NUMA1: variants seen among roughly 807,000 people sequenced by gnomAD.
The protein encoded by NUMA1 is nuclear mitotic apparatus protein 1, also known as SP-H antigen.
NUMA1 carries 62 observed loss-of-function variants against 237.1 expected under a neutral mutation model. The ratio of observed to expected loss-of-function variants is 0.26; its 90% CI spans 0.21 to 0.32. NUMA1 has a LOEUF of 0.32. Among genes scored for constraint, NUMA1 ranks in the 10% least tolerant of loss-of-function variants. The probability of loss-of-function intolerance (pLI) is 1.00; values close to 1 mark genes in which losing one functional copy is unlikely to be tolerated. For missense variants in NUMA1, 2,533 were observed against 2,666.5 expected (o/e 0.95, Z 1.10); for synonymous variants, 1,028 against 1,066.1 (o/e 0.96, Z 0.70).
Position 72,013,353 on chromosome 11 carries a change from C to T in NUMA1, c.4150G>A (p.Glu1384Lys). The T allele has an allele frequency of 6.2e-7, 1 of 1,608,964 alleles. No individual in the cohort carries two copies. The highest frequency in any genetic ancestry group is 8.5e-7 in the Non-Finnish European group (1 of 1,179,890). Residue 1384 changes from glutamate to lysine, a missense_variant, in exon 15 of 27, where the codon GAG (glutamate) becomes AAG (lysine). By Grantham distance (56) the Glu-to-Lys change is moderately conservative. Coordinates refer to ENST00000393695, the MANE Select transcript of NUMA1 (RefSeq NM_006185.4). The surrounding 1 kb of genome is among the most constrained non-coding windows in gnomAD (Gnocchi z 6.8). ...GCGGCCTGCTTGCTCTGCTCCAGCT[C>T]CTCACGGTGGCGTTTCTCGGCAGCG... ...QAAAEKRHRE[E>K]LEQSKQAAGG...
chr11:72,042,835 A>T lies in NUMA1; in HGVS notation c.-32-6860T>A, dbSNP rs1392959785. Among the ~76,000 whole-genome samples, 3 of 152,146 alleles carry T rather than the reference A, an allele frequency of 2.0e-5. No individual in the cohort carries two copies. The East Asian group carries it at 5.8e-4, about 29-fold the overall frequency. On this transcript the variant is annotated intron_variant, in intron 2 of 26. Transcript: ENST00000393695. ...ACACAAGAGGGTAAGGTAAGAAAGA[A>T]TGGAAAGGGGCCTTGGCACGACGGC...
Position 72,012,993 on chromosome 11 carries a change from C to G in NUMA1, c.4510G>C (p.Glu1504Gln), listed in dbSNP as rs1454749126. The stretch of plus-strand genomic sequence containing the variant: ...TACTTGGCAGTCATCACCTCCAGCT[C>G]CCGGGCAGTGCTCTGTGCTTCTCGC... ...VQREAQSTAR[E>Q]LEVMTAKYEG... is the part of the protein sequence containing the mutation. Residue 1504 changes from glutamate (E) to glutamine (Q), a missense_variant, in exon 15 of 27, where the codon GAG (glutamate) becomes CAG (glutamine). Transcript: ENST00000393695. The G allele has an allele frequency of 6.2e-7, 1 of 1,614,160 alleles. No homozygotes were observed. Among genetic ancestry groups the G allele is most frequent in the Admixed American group, 1.7e-5 (1 of 60,026 alleles).
chr11:72,021,181 C>T, intron 8 of NUMA1, 23 bp downstream of exon 8: 1 of 1,575,114 alleles, frequency 6.3e-7, no homozygotes, highest in East Asian at 2.2e-5. Flanking sequence ...TGAGGGGATT[C>T]TCAGGAGTGT....
Position 72,015,446 on chromosome 11 carries a change from T to C in NUMA1, c.2057A>G (p.Lys686Arg). The part of the protein sequence containing the change: ...LELQLRSEQQ[K>R]ATEKERVAQE... ...GGCCACCCTTTCTTTCTCAGTTGCT[T>C]TTTGCTGCTCAGACCGCAGCTGCAA... The change falls in exon 15 of 27, where the codon AAA becomes AGA. Residue 686 changes from lysine (K) to arginine (R), a missense_variant. Lys to Arg is a conservative substitution (Grantham distance 26). Transcript: ENST00000393695. The surrounding 1 kb of genome is among the most constrained non-coding windows in gnomAD (Gnocchi z 4.0). The C allele has an allele frequency of 6.2e-7, 1 of 1,612,022 alleles. No individual in the cohort carries two copies. The highest frequency in any genetic ancestry group is 8.5e-7 in the Non-Finnish European group (1 of 1,180,022).
chr11:72,031,178 TA>T (rs1384887029), intron 3 of NUMA1, among the ~76,000 whole-genome samples: 1 of 151,778 alleles, frequency 6.6e-6, no homozygotes, highest in Non-Finnish European at 1.5e-5. Flanking sequence ...CATGTGCCTG[TA>T]AGTCCTACCT....
At chr11:72,056,705 T>C (rs1465419637) in intron 2 of NUMA1, among the ~76,000 whole-genome samples, 2 of 139,766 alleles carry the variant, frequency 1.4e-5, no homozygotes, top group East Asian at 2.1e-4. Context: ...CTAAGTTGGA[T>C]GCGTCACATT....
Position 72,004,338 on chromosome 11 carries a change from T to G in NUMA1, c.6010A>C (p.Lys2004Gln). 1 of 1,612,172 alleles carries G rather than the reference T, an allele frequency of 6.2e-7. No homozygotes were observed. The highest frequency in any genetic ancestry group is 8.5e-7 in the Non-Finnish European group (1 of 1,179,386). The change falls in exon 25 of 27, where the codon AAG becomes CAG. Residue 2004 changes from lysine to glutamine, a missense_variant. Physicochemically the swap from Lys to Gln is moderately conservative, Grantham distance 53. Coordinates refer to ENST00000393695, the MANE Select transcript of NUMA1 (RefSeq NM_006185.4). ...CGTGGGAAACAGCTGGTGGCCTTCT[T>G]AGACTATGGAGAAGAGGACAGTTAG... ...PHQGPGTPES[K>Q]KATSCFPRPM...
chr11:72,014,292 C>T lies in NUMA1; in HGVS notation c.3211G>A (p.Gly1071Ser), dbSNP rs746241607. The change falls in exon 15 of 27, where the codon GGT becomes AGT. Residue 1071 changes from glycine (G) to serine (S), a missense_variant. Coordinates refer to ENST00000393695, the MANE Select transcript of NUMA1 (RefSeq NM_006185.4). The surrounding 1 kb of genome is among the most constrained non-coding windows in gnomAD (Gnocchi z 4.6). ...TCTTTTATCTGGGCTGCCTCCAGAC[C>T]ACGAAGCTTGGCCAACTCCTGGTCC... ...GKDQELAKLR[G>S]LEAAQIKELE... The T allele has an allele frequency of 2.5e-6, 4 of 1,613,828 alleles. No homozygotes were observed. The highest frequency in any genetic ancestry group is 3.4e-6 in the Non-Finnish European group (4 of 1,180,052).
intron 1 of NUMA1, among the ~76,000 whole-genome samples, chr11:72,079,255 T>G (rs985592930): frequency 6.7e-6 from 1 of 149,652 alleles, no homozygotes; most frequent in Non-Finnish European, 1.5e-5. Context: ...AAATACCAGA[T>G]GGCAGGCCGG....
At chr11:72,008,304 T>C (rs886602089) in intron 20 of NUMA1, 2 of 377,026 alleles carry the variant, frequency 5.3e-6, no homozygotes, top group Non-Finnish European at 1.0e-5. Flanking sequence ...CCTAAACCTT[T>C]CAATTACAGC....
In NUMA1 at chr11:72,013,034, C is replaced by T. The variant is rs772440370; in HGVS notation, c.4469G>A (p.Arg1490His). 16 of 1,614,204 alleles carry T rather than the reference C, an allele frequency of 9.9e-6. No individual in the cohort carries two copies. Among genetic ancestry groups the T allele is most frequent in the Admixed American group, 8.3e-5 (5 of 60,030 alleles). The change falls in exon 15 of 27, where the codon CGT (arginine) becomes CAT (histidine). Residue 1490 changes from arginine (R) to histidine (H), a missense_variant. By Grantham distance (29) the Arg-to-His change is conservative. Coordinates refer to ENST00000393695, the MANE Select transcript of NUMA1 (RefSeq NM_006185.4). This position sits in a 1 kb window ranked among gnomAD's most constrained non-coding sequence, Gnocchi z 6.8. The stretch of plus-strand genomic sequence containing the variant: ...TGCTTCTCGCTGCACCTCAGCCAGA[C>T]GGGTCTCAGCATCAGCACGTACGGC... Reference protein sequence around the residue: ...LAAVRADAETRLAEVQREAQS... With the variant: ...LAAVRADAETHLAEVQREAQS...
intron 7 of NUMA1, among the ~76,000 whole-genome samples, chr11:72,021,787 T>G (rs1012252634): frequency 1.3e-5 from 2 of 152,106 alleles, no homozygotes; most frequent in African/African-American, 4.8e-5. Context: ...TTAAAAAAAA[T>G]ATTTTTTGTT....
chr11:72,022,254 G>C, intron 7 of NUMA1, 85 bp downstream of exon 7: 2 of 798,200 alleles, frequency 2.5e-6, no homozygotes, highest in African/African-American at 1.8e-5. Context: ...AAAAAGTCCA[G>C]TATCTGCTGT....
chr11:72,025,859 A>C (rs1005795846), intron 4 of NUMA1, among the ~76,000 whole-genome samples: 9 of 152,232 alleles, frequency 5.9e-5, no homozygotes, highest in Admixed American at 2.0e-4. Flanking sequence ...AGGAGATGCT[A>C]ATCTCTTACA....
rs758721745 is a variant in NUMA1, at chr11:72,043,308, C to CA, written c.-32-7334dup. ...GAAACCCTGTTTCTACCAAAAAATACAAAAAACCACACAAAAAAACAAAAA... is the reference window on the plus strand; with the variant it reads ...GAAACCCTGTTTCTACCAAAAAATACAAAAAAACCACACAAAAAAACAAAAA... On this transcript the variant is annotated intron_variant, in intron 2 of 26. Transcript: ENST00000393695. Among the ~76,000 whole-genome samples, 5 of 145,072 alleles carry CA rather than the reference C, an allele frequency of 3.4e-5. No individual in the cohort carries two copies. In the South Asian group the frequency reaches 8.9e-4, roughly 26 times the overall value.
At chr11:72,039,155 C>G (rs768524834) in intron 2 of NUMA1, among the ~76,000 whole-genome samples, 3 of 152,358 alleles carry the variant, frequency 2.0e-5, no homozygotes, top group Admixed American at 1.3e-4. Flanking sequence ...TGTACCCTCT[C>G]TGGACCTTAA....
At chr11:72,026,063 C>T (rs1383721756) in intron 4 of NUMA1, among the ~76,000 whole-genome samples, 1 of 152,198 alleles carries the variant, frequency 6.6e-6, no homozygotes, top group African/African-American at 2.4e-5. Context: ...TGCATTATTT[C>T]CTAAACCTAT....
Position 72,009,140 on chromosome 11 carries a change from G to T in NUMA1, c.4885C>A (p.Gln1629Lys), listed in dbSNP as rs200848728. 6.5e-7 allele frequency: 1 copy of T among 1,535,002 alleles called. No homozygotes were observed. The highest frequency in any genetic ancestry group is 8.8e-7 in the Non-Finnish European group (1 of 1,138,180). ...THYDAKKQQN[Q>K]ELQEQLRSLE... ...CTCCGCAGCTGCTCCTGCAGCTCTTGGTTCTGCTGCTTCTTGGCATCATAA... is the reference window on the plus strand; with the variant it reads ...CTCCGCAGCTGCTCCTGCAGCTCTTTGTTCTGCTGCTTCTTGGCATCATAA... The change falls in exon 19 of 27, where the codon CAA (glutamine) becomes AAA (lysine). Residue 1629 changes from glutamine (Q) to lysine (K), a missense_variant. By Grantham distance (53) the Gln-to-Lys change is moderately conservative (BLOSUM62 1). Coordinates refer to ENST00000393695, the MANE Select transcript of NUMA1 (RefSeq NM_006185.4).
rs1268220912 is a variant in NUMA1, at chr11:72,020,986, C to T, written c.460+218G>A. 2.1e-5 allele frequency: 11 copies of T among 535,542 alleles called. 1 individual carries two copies. Among genetic ancestry groups the T allele is most frequent in the Non-Finnish European group, 3.6e-5 (11 of 301,502 alleles). 33.2% of individuals were successfully genotyped at this position (535,542 alleles called of 1,614,324 possible). A position where few individuals can be genotyped will look rare whatever the true frequency, so the allele number is the denominator to read the frequency against. The stretch of plus-strand genomic sequence containing the variant: ...GGTATGATCACTTGTAAATATCCTA[C>T]ATAACTGCTGCCAGGCAGCAAGGAG... On this transcript the variant is annotated intron_variant, in intron 8 of 26. Coordinates refer to ENST00000393695, the MANE Select transcript of NUMA1 (RefSeq NM_006185.4).
Sources: gnomAD v4.1 joint callset for allele counts (sites outside exome capture counted in the v4.1 genomes callset) on GRCh38, gnomAD v4.1.1 for gene constraint, Gnocchi (gnomAD v3.1) non-coding constraint, MANE v1.5 for transcripts, NCBI Gene and HGNC (gene_info 2026-07-23, HGNC 2026-07-21) for gene names.